The following NRG1 variants were observed in gnomAD, a reference collection of about 807,000 sequenced individuals.
NRG1 encodes neuregulin 1.
Under a neutral mutation model 63.8 loss-of-function variants are expected in NRG1, and 18 were observed. That is an observed-to-expected ratio of 0.28 (90% confidence interval 0.19 to 0.42). The LOEUF is 0.42. NRG1 is among the 10% of genes least tolerant of loss of function. The pLI, the probability that NRG1 is intolerant of heterozygous loss-of-function variation, is 1.00. For synonymous variants in NRG1, 302 were observed against 301.3 expected (o/e 1.00, Z -0.02); for missense variants, 762 against 814.7 (o/e 0.94, Z 0.79).
rs559295831 is a variant in NRG1 at position 32,051,241 on chromosome 8, C to T, written c.37+411810C>T. 7.2e-5 allele frequency among the ~76,000 whole-genome samples: 11 copies of T among 152,148 alleles called. No individual in the cohort carries two copies. The South Asian group carries it at 2.1e-3, about 29-fold the overall frequency. On this transcript the variant is annotated intron_variant, in intron 1 of 10. Coordinates refer to the NRG1 transcript ENST00000519301. Reference sequence around the variant, plus strand: ...ATGTATTTAAAATACGTCTTGACTACCAATAATGTATAACAACCTCTGCTA... The same window carrying T: ...ATGTATTTAAAATACGTCTTGACTATCAATAATGTATAACAACCTCTGCTA...
In NRG1 at chr8:32,623,970, A is replaced by G. The variant is rs958350709; in HGVS notation, c.502+7085A>G. Reference sequence around the variant, plus strand: ...TGTGTGTGCATGTGTGTGTATGTGTATGAGATATAGATATAGATATAGATA... The same window carrying G: ...TGTGTGTGCATGTGTGTGTATGTGTGTGAGATATAGATATAGATATAGATA... On this transcript the variant is annotated intron_variant, in intron 5 of 11. Coordinates refer to ENST00000356819, the Ensembl canonical transcript of NRG1. Among the ~76,000 whole-genome samples the G allele has an allele frequency of 2.0e-5, 3 of 152,080 alleles. No homozygotes were observed. The East Asian group carries it at 5.8e-4, about 29-fold the overall frequency.
intron 1 of NRG1, among the ~76,000 whole-genome samples, chr8:32,323,145 C>G (rs561004864): frequency 6.6e-6 from 1 of 152,110 alleles, no homozygotes; most frequent in Non-Finnish European, 1.5e-5. Context: ...ACCTCTGATT[C>G]CTATGTAAAG....
At chr8:32,243,919 T>C (rs1367274467) in intron 1 of NRG1, among the ~76,000 whole-genome samples, 3 of 152,290 alleles carry the variant, frequency 2.0e-5, no homozygotes, top group Middle Eastern at 3.4e-3. Context: ...CACCAAGTCT[T>C]CCTGCACATT....
At chr8:32,316,200 G>A (rs755865642) in intron 1 of NRG1, among the ~76,000 whole-genome samples, 19 of 152,186 alleles carry the variant, frequency 1.2e-4, no homozygotes, top group East Asian at 3.9e-4. Flanking sequence ...CTAAGGGACC[G>A]GGCGCGGTGG....
intron 1 of NRG1, among the ~76,000 whole-genome samples, chr8:31,652,770 A>C (rs925879060): frequency 2.0e-5 from 3 of 152,176 alleles, no homozygotes; most frequent in African/African-American, 4.8e-5. Context: ...AAATATGATG[A>C]CTTAGAGATA....
Position 31,775,827 on chromosome 8 carries a change from G to A in NRG1, c.37+136396G>A, listed in dbSNP as rs372760880. 5.8e-5 allele frequency among the ~76,000 whole-genome samples: 8 copies of A among 138,894 alleles called. No individual in the cohort carries two copies. The South Asian group carries it at 1.6e-3, about 28-fold the overall frequency. The allele number at this position is 138,894 out of a possible 152,430, so 91.1% of individuals were successfully genotyped here. ...GAACCCAGGAGGTGGAGCTTGCAGTGAGCCGAGATCATGCCACCACACTCC... is the reference window on the plus strand; with the variant it reads ...GAACCCAGGAGGTGGAGCTTGCAGTAAGCCGAGATCATGCCACCACACTCC... On this transcript the variant is annotated intron_variant, in intron 1 of 10. Transcript: ENST00000519301.
rs560461427 is a variant in NRG1 at position 31,640,875 on chromosome 8, A to G, written c.37+1444A>G. The G allele has an allele frequency of 2.9e-6, 4 of 1,369,714 alleles. No individual in the cohort carries two copies. In the Admixed American group the frequency reaches 1.0e-4, roughly 35 times the overall value. 84.8% of individuals were successfully genotyped at this position (1,369,714 alleles called of 1,614,324 possible). A position where few individuals can be genotyped will look rare whatever the true frequency, so the allele number is the denominator to read the frequency against. ...GTTTCAGGGTGGTGGGTTCTCAGCG[A>G]TCCTCAGAGAGGGAGGTTTCGCTTT... On this transcript the variant is annotated intron_variant, in intron 1 of 10. Transcript: ENST00000519301. This position sits in a 1 kb window ranked among gnomAD's most constrained non-coding sequence, Gnocchi z 6.3.
intron 1 of NRG1, among the ~76,000 whole-genome samples, chr8:31,763,360 C>T (rs1315922309): frequency 6.6e-6 from 1 of 152,180 alleles, no homozygotes. Context: ...ATGAAAAACA[C>T]TTTTCTGGTA....
intron 5 of NRG1, among the ~76,000 whole-genome samples, chr8:32,678,214 A>G (rs1020295977): frequency 3.9e-5 from 6 of 152,190 alleles, no homozygotes; most frequent in South Asian, 2.1e-4. Context: ...ATTTTACAAC[A>G]GCCCATCATA....
chr8:31,713,310 G>A (rs538510008), intron 1 of NRG1, among the ~76,000 whole-genome samples: 1 of 151,582 alleles, frequency 6.6e-6, no homozygotes, highest in African/African-American at 2.4e-5. Flanking sequence ...TGTAGACGGG[G>A]TTTCACTGTG....
chr8:32,057,908 C>G (rs189588829), intron 1 of NRG1, among the ~76,000 whole-genome samples: 282 of 152,144 alleles, frequency 1.9e-3, no homozygotes, highest in African/African-American at 6.6e-3. Context: ...TTTTGCAATT[C>G]AGAAAAATGT....
chr8:32,767,629 CTTTATTA>C (rs1174259109), exon 12 of NRG1: 1 of 151,958 alleles, frequency 6.6e-6, no homozygotes, highest in Non-Finnish European at 1.5e-5. Context: ...ACATAATGTC[CTTTATTA>C]TTTATATTTA....
At chr8:32,424,363 A>G (rs777779153) in intron 1 of NRG1, among the ~76,000 whole-genome samples, 1 of 152,124 alleles carries the variant, frequency 6.6e-6, no homozygotes, top group Non-Finnish European at 1.5e-5. Flanking sequence ...ATGGCTTCTC[A>G]GAGCACACTC....
chr8:32,205,078 A>T (rs1391012028), intron 1 of NRG1, among the ~76,000 whole-genome samples: 1 of 152,218 alleles, frequency 6.6e-6, no homozygotes, highest in African/African-American at 2.4e-5. Context: ...GGAGAAGTAG[A>T]CGTGATATGT....
At chr8:32,592,325 C>CA (rs1842674358) in intron 1 of NRG1, among the ~76,000 whole-genome samples, 2 of 152,018 alleles carry the variant, frequency 1.3e-5, no homozygotes, top group Admixed American at 1.3e-4. Context: ...CAGATTTCCC[C>CA]AGTAGTCCCA....
At chr8:31,820,348 T>G (rs1034541739) in intron 1 of NRG1, among the ~76,000 whole-genome samples, 1 of 152,220 alleles carries the variant, frequency 6.6e-6, no homozygotes, top group Non-Finnish European at 1.5e-5. Context: ...CTTGTATGTA[T>G]TCTGGCATGT....
intron 1 of NRG1, among the ~76,000 whole-genome samples, chr8:31,891,684 C>G (rs1831157581): frequency 6.6e-6 from 1 of 152,116 alleles, no homozygotes; most frequent in African/African-American, 2.4e-5. Flanking sequence ...AACCTGTACG[C>G]TAATGTTGAA....
chr8:31,960,648 C>A (rs910860008), intron 1 of NRG1, among the ~76,000 whole-genome samples: 10 of 152,330 alleles, frequency 6.6e-5, no homozygotes, highest in Non-Finnish European at 1.5e-4. Context: ...CTACTTTTGG[C>A]AGCTTGTTGT....
At chr8:32,050,280 G>T (rs2130801106) in intron 1 of NRG1, among the ~76,000 whole-genome samples, 1 of 152,190 alleles carries the variant, frequency 6.6e-6, no homozygotes, top group Admixed American at 6.5e-5. Context: ...AGATAGGTTA[G>T]GAAGCAGCTG....
Sources: allele counts gnomAD v4.1 joint callset (sites outside exome capture counted in the v4.1 genomes callset), GRCh38; gene constraint gnomAD v4.1.1; non-coding constraint Gnocchi (gnomAD v3.1); transcripts MANE v1.5; gene names NCBI Gene and HGNC (gene_info 2026-07-23, HGNC 2026-07-21).